The following THSD4 variants were observed in gnomAD, a reference collection of about 807,000 sequenced individuals.
THSD4 encodes thrombospondin type 1 domain containing 4, also known as thrombospondin type-1 domain-containing protein 4.
Under a neutral mutation model 119.0 loss-of-function variants are expected in THSD4, and 69 were observed. The observed-to-expected ratio is 0.58, with a 90% CI of 0.48 to 0.71. THSD4 has a LOEUF of 0.71. THSD4 is among the 30% of genes least tolerant of loss of function. The pLI is 0.00. For synonymous variants in THSD4, 524 were observed against 540.4 expected (o/e 0.97, Z 0.42); for missense variants, 1,393 against 1,391.1 (o/e 1.00, Z -0.02).
chr15:71,622,953 G>C (rs2050444613), intron 7 of THSD4, among the ~76,000 whole-genome samples: 1 of 152,148 alleles, frequency 6.6e-6, no homozygotes, highest in South Asian at 2.1e-4. Context: ...GAGCAAGCCA[G>C]AGTGAGCCAT....
At chr15:71,683,023 G>T (rs540713627) in intron 8 of THSD4, among the ~76,000 whole-genome samples, 1 of 146,852 alleles carries the variant, frequency 6.8e-6, no homozygotes, top group Admixed American at 7.0e-5. Context: ...CTGGGCTCAA[G>T]AGATCCTCCT....
At chr15:71,395,241 A>G (rs2046432727) in intron 6 of THSD4, among the ~76,000 whole-genome samples, 4 of 152,166 alleles carry the variant, frequency 2.6e-5, no homozygotes, top group Admixed American at 2.6e-4. Flanking sequence ...AGTGGGTTTT[A>G]TTAAACCCCA....
intron 7 of THSD4, among the ~76,000 whole-genome samples, chr15:71,439,983 C>T (rs1595768547): frequency 6.6e-6 from 1 of 152,092 alleles, no homozygotes; most frequent in South Asian, 2.1e-4. Flanking sequence ...ACTGCATGTT[C>T]TGCACATGTA....
At chr15:71,382,405 A>G (rs1248223793) in intron 6 of THSD4, among the ~76,000 whole-genome samples, 2 of 152,216 alleles carry the variant, frequency 1.3e-5, no homozygotes, top group Non-Finnish European at 2.9e-5. Flanking sequence ...TCAATTTTAG[A>G]AAAACAATTT....
chr15:71,392,437 T>A (rs1375147640), intron 6 of THSD4, among the ~76,000 whole-genome samples: 1 of 152,226 alleles, frequency 6.6e-6, no homozygotes, highest in Non-Finnish European at 1.5e-5. Flanking sequence ...CTTTGTCCAA[T>A]GACACAAGCT....
Position 71,366,732 on chromosome 15 carries a change from C to T in THSD4, c.1016-44955C>T, listed in dbSNP as rs145376028. On this transcript the variant is annotated intron_variant, in intron 6 of 17. Transcript: ENST00000261862. ...AAAAACACTCCCACATTATTTGCTC[C>T]GATCATCTCCAAGAGAACAGTACTC... 3.3e-5 allele frequency among the ~76,000 whole-genome samples: 5 copies of T among 152,106 alleles called. No individual in the cohort carries two copies. The South Asian group carries it at 6.2e-4, about 19-fold the overall frequency.
rs1453389714 is a variant in THSD4 at position 71,780,877 on chromosome 15, G to A, written c.*3503G>A. On this transcript the variant is annotated 3_prime_UTR_variant, in exon 18 of 18. Coordinates refer to ENST00000261862, the MANE Select transcript of THSD4 (RefSeq NM_024817.3). ...ACAGAAAAGAGAAGACACGAGCTTGGTGTATTTTCATCAAGTTATGTGGCA... is the reference window on the plus strand; with the variant it reads ...ACAGAAAAGAGAAGACACGAGCTTGATGTATTTTCATCAAGTTATGTGGCA... 4.5e-6 allele frequency: 2 copies of A among 441,518 alleles called. No individual in the cohort carries two copies. Among genetic ancestry groups the A allele is most frequent in the Non-Finnish European group, 9.0e-6 (2 of 221,334 alleles). 27.4% of individuals were successfully genotyped at this position (441,518 alleles called of 1,614,324 possible). A position where few individuals can be genotyped will look rare whatever the true frequency, so the allele number is the denominator to read the frequency against.
chr15:71,131,535 A>G (rs2141362148), intron 1 of THSD4, among the ~76,000 whole-genome samples: 1 of 152,322 alleles, frequency 6.6e-6, no homozygotes, highest in South Asian at 2.1e-4. Flanking sequence ...ATAAGGTTGT[A>G]AAAAATTCAC....
chr15:71,336,147 T>G (rs1229947740), intron 6 of THSD4, among the ~76,000 whole-genome samples: 2 of 152,194 alleles, frequency 1.3e-5, no homozygotes, highest in East Asian at 3.8e-4. Flanking sequence ...TGTCTCCCTC[T>G]CCCCACAAAA....
chr15:71,223,692 T>C (rs1048299649), intron 4 of THSD4, among the ~76,000 whole-genome samples: 5 of 152,208 alleles, frequency 3.3e-5, no homozygotes, highest in African/African-American at 9.6e-5. Context: ...ATGACCTCCA[T>C]GTCTGATGAG....
chr15:71,741,509 A>G (rs1368395115), intron 11 of THSD4, among the ~76,000 whole-genome samples: 1 of 152,134 alleles, frequency 6.6e-6, no homozygotes, highest in African/African-American at 2.4e-5. Flanking sequence ...AAACAAAACA[A>G]AACAAAAAAA....
intron 4 of THSD4, among the ~76,000 whole-genome samples, chr15:71,240,960 G>A (rs913261953): frequency 8.5e-5 from 13 of 152,232 alleles, no homozygotes; most frequent in South Asian, 4.2e-4. Flanking sequence ...ACACTGTGGC[G>A]TGGTTTAATT....
chr15:71,655,875 G>C (rs2051180666), intron 7 of THSD4, among the ~76,000 whole-genome samples: 1 of 152,184 alleles, frequency 6.6e-6, no homozygotes, highest in Admixed American at 6.5e-5. Flanking sequence ...TCTGAACACT[G>C]TCCTTGGGAA....
intron 3 of THSD4, among the ~76,000 whole-genome samples, chr15:71,165,943 G>A (rs2043291027): frequency 6.6e-6 from 1 of 152,132 alleles, no homozygotes; most frequent in Non-Finnish European, 1.5e-5. Flanking sequence ...TGTGTGTGGG[G>A]TGCCTGAGTG....
At chr15:71,727,565 T>C (rs1192568289) in intron 8 of THSD4, among the ~76,000 whole-genome samples, 1 of 109,200 alleles carries the variant, frequency 9.2e-6, no homozygotes, top group African/African-American at 5.0e-5. Context: ...TATATATATA[T>C]ATATATATAT....
At chr15:71,659,388 T>A (rs1394737514) in intron 7 of THSD4, among the ~76,000 whole-genome samples, 1 of 152,122 alleles carries the variant, frequency 6.6e-6, no homozygotes, top group East Asian at 1.9e-4. Context: ...AGAAAAAGAT[T>A]TTGTGAAGAT....
intron 3 of THSD4, among the ~76,000 whole-genome samples, chr15:71,212,558 A>C (rs1458529484): frequency 2.6e-5 from 4 of 152,180 alleles, no homozygotes; most frequent in Non-Finnish European, 5.9e-5. Flanking sequence ...CCAGAAACAT[A>C]TTTCTGCCTT....
intron 7 of THSD4, among the ~76,000 whole-genome samples, chr15:71,582,072 C>A (rs186673823): frequency 1.3e-4 from 20 of 152,212 alleles, no homozygotes; most frequent in African/African-American, 4.3e-4. Context: ...ATAAGGATTG[C>A]ATTGACTCTG....
At chr15:71,602,855 A>C (rs2050040605) in intron 7 of THSD4, among the ~76,000 whole-genome samples, 1 of 152,222 alleles carries the variant, frequency 6.6e-6, no homozygotes, top group Non-Finnish European at 1.5e-5. Flanking sequence ...ACATTTTAAA[A>C]GGATAACTTG....
Sources: allele counts gnomAD v4.1 joint callset (sites outside exome capture counted in the v4.1 genomes callset), GRCh38; gene constraint gnomAD v4.1.1; transcripts MANE v1.5; gene names NCBI Gene and HGNC (gene_info 2026-07-23, HGNC 2026-07-21).